Variants in FBXW7 observed in about 807,000 individuals in gnomAD.
FBXW7 encodes the protein F-box/WD repeat-containing protein 7.
FBXW7 carries 11 observed loss-of-function variants against 86.3 expected under a neutral mutation model. The observed-to-expected ratio is 0.13, with a 90% CI of 0.08 to 0.21. FBXW7 has a LOEUF of 0.21. Among genes scored for constraint, FBXW7 ranks in the 10% least tolerant of loss-of-function variants. FBXW7 has a pLI of 1.00. For missense variants in FBXW7, 488 were observed against 847.4 expected (o/e 0.58, Z 5.27); for synonymous variants, 313 against 297.9 (o/e 1.05, Z -0.52).
At chr4:152,357,138 G>GA (rs995579983) in intron 4 of FBXW7, among the ~76,000 whole-genome samples, 5 of 152,008 alleles carry the variant, frequency 3.3e-5, no homozygotes, top group East Asian at 1.9e-4. Flanking sequence ...TAGTGCCTTA[G>GA]AAAAAAATCC....
intron 2 of FBXW7, among the ~76,000 whole-genome samples, chr4:152,434,629 A>G (rs1740211216): frequency 6.6e-6 from 1 of 152,196 alleles, no homozygotes; most frequent in Non-Finnish European, 1.5e-5. Flanking sequence ...GACCTATGCC[A>G]TTCAATTTCC....
intron 4 of FBXW7, among the ~76,000 whole-genome samples, chr4:152,367,283 T>C (rs1309978757): frequency 6.6e-6 from 1 of 152,012 alleles, no homozygotes; most frequent in Non-Finnish European, 1.5e-5. Context: ...AAAAAAAAAC[T>C]AGCTATACTT....
At chr4:152,345,994 T>C (rs1731229435) in intron 6 of FBXW7, among the ~76,000 whole-genome samples, 1 of 152,168 alleles carries the variant, frequency 6.6e-6, no homozygotes, top group Non-Finnish European at 1.5e-5. Context: ...CAGATATTTT[T>C]TACTTTACAT....
At chr4:152,422,336 T>G (rs1015436240) in intron 2 of FBXW7, among the ~76,000 whole-genome samples, 1 of 152,200 alleles carries the variant, frequency 6.6e-6, no homozygotes, top group Non-Finnish European at 1.5e-5. Flanking sequence ...CTGTTGAGTT[T>G]CCCAAATTTA....
At chr4:152,337,344 C>A (rs1416178722) in intron 7 of FBXW7, among the ~76,000 whole-genome samples, 1 of 151,864 alleles carries the variant, frequency 6.6e-6, no homozygotes, top group Middle Eastern at 3.4e-3. Context: ...TACCAGAGAA[C>A]TAGAATTCAA....
chr4:152,493,763 T>C (rs907592414), intron 2 of FBXW7, among the ~76,000 whole-genome samples: 1 of 152,208 alleles, frequency 6.6e-6, no homozygotes, highest in African/African-American at 2.4e-5. Context: ...ACCTTGATCT[T>C]TGACATCCAG....
rs535972996 is a variant in FBXW7 at position 152,449,396 on chromosome 4, A to G, written c.-119-36867T>C. 2.6e-5 allele frequency among the ~76,000 whole-genome samples: 4 copies of G among 152,302 alleles called. No homozygotes were observed. In the East Asian group the frequency reaches 7.7e-4, roughly 29 times the overall value. ...GTAGGAGGGTAACTGAATAAAATAT[A>G]CAAGCAAAAATTCCCTCTGGATACT... On this transcript the variant is annotated intron_variant, in intron 2 of 13. Coordinates refer to ENST00000281708, the MANE Select transcript of FBXW7 (RefSeq NM_001349798.2).
intron 5 of FBXW7, among the ~76,000 whole-genome samples, chr4:152,349,326 C>T (rs1217923826): frequency 6.7e-6 from 1 of 148,250 alleles, no homozygotes; most frequent in Non-Finnish European, 1.5e-5. Flanking sequence ...AAAAAAAAAG[C>T]TCTAAGATAC....
intron 2 of FBXW7, among the ~76,000 whole-genome samples, chr4:152,462,755 C>T (rs1159239409): frequency 1.3e-5 from 2 of 152,088 alleles, no homozygotes; most frequent in African/African-American, 4.8e-5. Flanking sequence ...AAAGATGGTT[C>T]ACTCAACCAC....
chr4:152,398,979 A>G (rs1736678647), intron 4 of FBXW7, among the ~76,000 whole-genome samples: 1 of 152,170 alleles, frequency 6.6e-6, no homozygotes, highest in African/African-American at 2.4e-5. Context: ...TAAAATATAT[A>G]TATCTTACAT....
chr4:152,507,834 T>A (rs1285466579), intron 2 of FBXW7, among the ~76,000 whole-genome samples: 1 of 151,940 alleles, frequency 6.6e-6, no homozygotes, highest in Non-Finnish European at 1.5e-5. Flanking sequence ...GGAGGACTGC[T>A]TGAGGCCAGG....
At chr4:152,413,844 C>CA (rs1434602303) in intron 2 of FBXW7, among the ~76,000 whole-genome samples, 4 of 152,250 alleles carry the variant, frequency 2.6e-5, no homozygotes, top group African/African-American at 9.6e-5. Flanking sequence ...ACTCTGCATG[C>CA]ATGCATTTAA....
chr4:152,457,294 G>A (rs1742500809), intron 2 of FBXW7, among the ~76,000 whole-genome samples: 1 of 152,166 alleles, frequency 6.6e-6, no homozygotes, highest in South Asian at 2.1e-4. Flanking sequence ...ATACATTGTG[G>A]TGATGGTTTC....
chr4:152,489,885 AC>A (rs952934034), intron 2 of FBXW7, among the ~76,000 whole-genome samples: 1 of 152,020 alleles, frequency 6.6e-6, no homozygotes, highest in African/African-American at 2.4e-5. Context: ...GTCCAACTTG[AC>A]CCAGCCATAC....
chr4:152,360,341 T>C (rs868332082), intron 4 of FBXW7, among the ~76,000 whole-genome samples: 3 of 152,116 alleles, frequency 2.0e-5, no homozygotes, highest in Admixed American at 6.6e-5. Context: ...TACAAGCAAG[T>C]TGTACTCCTG....
chr4:152,469,447 A>C (rs1273307088), intron 2 of FBXW7, among the ~76,000 whole-genome samples: 1 of 152,090 alleles, frequency 6.6e-6, no homozygotes, highest in African/African-American at 2.4e-5. Flanking sequence ...GACACCTACA[A>C]AATTTTTCAT....
intron 2 of FBXW7, among the ~76,000 whole-genome samples, chr4:152,416,319 GA>G (rs1240988091): frequency 6.6e-6 from 1 of 152,066 alleles, no homozygotes; most frequent in East Asian, 1.9e-4. Flanking sequence ...ACTCTGTATT[GA>G]ACAAGTCACT....
intron 4 of FBXW7, among the ~76,000 whole-genome samples, chr4:152,388,370 T>C (rs1735725658): frequency 6.6e-6 from 1 of 152,134 alleles, no homozygotes; most frequent in South Asian, 2.1e-4. Flanking sequence ...AATTGGACAT[T>C]TGCAAAATAA....
chr4:152,337,811 G>T lies in FBXW7; in HGVS notation c.852C>A (p.Leu284=), dbSNP rs2126583021. The T allele has an allele frequency of 6.2e-7, 1 of 1,610,234 alleles. No homozygotes were observed. The highest frequency in any genetic ancestry group is 8.5e-7 in the Non-Finnish European group (1 of 1,178,412). ...AATTGATAATCTTTACCTCTTTAGG[G>T]AGCAATGAAATGAAGTCTCGTTGAA... ...PQFQRDFISL[L]PKELALYVLS... The change falls in exon 7 of 14, where the codon CTC becomes CTA. Residue 284 remains leucine (L), a synonymous_variant. Transcript: ENST00000281708.
Sources: allele counts gnomAD v4.1 joint callset (sites outside exome capture counted in the v4.1 genomes callset), GRCh38; gene constraint gnomAD v4.1.1; transcripts MANE v1.5; gene names NCBI Gene and HGNC (gene_info 2026-07-23, HGNC 2026-07-21).